The following TRIM37 variants were observed in gnomAD, a reference collection of about 807,000 sequenced individuals.
TRIM37 encodes tripartite motif containing 37.
TRIM37 carries 80 observed loss-of-function variants against 129.8 expected under a neutral mutation model. The ratio of observed to expected loss-of-function variants is 0.62; its 90% CI spans 0.51 to 0.74. The LOEUF (loss-of-function observed/expected upper bound fraction) is 0.74. TRIM37 is among the 30% of genes least tolerant of loss of function. TRIM37 has a pLI of 0.00. For synonymous variants in TRIM37, 389 were observed against 387.1 expected (o/e 1.00, Z -0.06); for missense variants, 1,054 against 1,176.5 (o/e 0.90, Z 1.52).
At chr17:59,024,442 A>T (rs1357580094) in intron 19 of TRIM37, among the ~76,000 whole-genome samples, 1 of 152,220 alleles carries the variant, frequency 6.6e-6, no homozygotes, top group East Asian at 1.9e-4. Flanking sequence ...AAGGATATGA[A>T]TATAACAGAT....
intron 16 of TRIM37, among the ~76,000 whole-genome samples, chr17:59,045,105 T>A (rs1444954938): frequency 6.6e-6 from 1 of 151,774 alleles, no homozygotes; most frequent in Admixed American, 6.6e-5. Context: ...GGCAGGCAGA[T>A]CACAAGGTCA....
downstream of TRIM37, among the ~76,000 whole-genome samples, chr17:58,977,935 G>T (rs994878687): frequency 6.6e-6 from 1 of 152,148 alleles, no homozygotes; most frequent in Non-Finnish European, 1.5e-5. Context: ...TAGAGACAAG[G>T]TTTCACCATG....
chr17:59,034,588 G>A (rs902882240), intron 17 of TRIM37, among the ~76,000 whole-genome samples: 4 of 151,878 alleles, frequency 2.6e-5, no homozygotes, highest in East Asian at 1.9e-4. Flanking sequence ...TAGAACTCCC[G>A]ACCTCAGGTG....
intron 9 of TRIM37, among the ~76,000 whole-genome samples, chr17:59,068,453 G>A (rs1357238149): frequency 6.6e-6 from 1 of 152,154 alleles, no homozygotes; most frequent in Non-Finnish European, 1.5e-5. Context: ...TTTTATATAT[G>A]ACCCTTAGGT....
At chr17:59,105,499 A>G (rs1167642301) in intron 1 of TRIM37, among the ~76,000 whole-genome samples, 1 of 152,276 alleles carries the variant, frequency 6.6e-6, no homozygotes, top group Non-Finnish European at 1.5e-5. Flanking sequence ...AAAGGATACA[A>G]TTAAACGTAT....
intron 24 of TRIM37, chr17:58,984,078 C>T (rs2143885478): frequency 6.5e-6 from 1 of 152,756 alleles, no homozygotes; most frequent in South Asian, 2.1e-4. Flanking sequence ...GGTAGAAACA[C>T]ATATGTATAT....
At chr17:59,029,988 A>G (rs2145562239) in intron 18 of TRIM37, among the ~76,000 whole-genome samples, 1 of 88,172 alleles carries the variant, frequency 1.1e-5, no homozygotes, top group African/African-American at 5.4e-5. Context: ...AAAAACAGAT[A>G]TTCATCAGGA....
Position 59,106,636 on chromosome 17 carries a change from A to C in TRIM37, c.-175T>G. ...CATCTCTTCAGGTCCAGCGCCGCCTACCCCCATTTCGCCATTTTTACCGGC... is the reference window on the plus strand; with the variant it reads ...CATCTCTTCAGGTCCAGCGCCGCCTCCCCCCATTTCGCCATTTTTACCGGC... On this transcript the variant is annotated 5_prime_UTR_variant, in exon 1 of 24. The change abolishes the stop of an existing upstream ORF in the 5' untranslated region. Transcript: ENST00000262294. 2.8e-6 allele frequency: 2 copies of C among 722,632 alleles called. No homozygotes were observed. The highest frequency in any genetic ancestry group is 1.7e-5 in the South Asian group (1 of 60,142). The allele number at this position is 722,632 out of a possible 1,614,324, so 44.8% of individuals were successfully genotyped here. A position where few individuals can be genotyped will look rare whatever the true frequency, so the allele number is the denominator to read the frequency against.
chr17:59,081,348 T>A, intron 5 of TRIM37, 129 bp from the exon 6 acceptor site: 2 of 1,364,652 alleles, frequency 1.5e-6, no homozygotes, highest in Non-Finnish European at 2.0e-6. Flanking sequence ...TTAGCTAATT[T>A]AATTTTGTTG....
In TRIM37 at chr17:59,060,774, T is replaced by C. The variant is rs147255717; in HGVS notation, c.1019+258A>G. Among the ~76,000 whole-genome samples the C allele has an allele frequency of 1.3e-3, 193 of 152,294 alleles. 2 individuals are homozygous for C. The Middle Eastern group carries it at 0.017, about 13-fold the overall frequency. On this transcript the variant is annotated intron_variant, in intron 12 of 23. Coordinates refer to ENST00000262294, the MANE Select transcript of TRIM37 (RefSeq NM_015294.6). ...AATGATATTTTAAAAAAATTGAATATAAAAGCAGACATGAGAATCCAGTAG... is the reference window on the plus strand; with the variant it reads ...AATGATATTTTAAAAAAATTGAATACAAAAGCAGACATGAGAATCCAGTAG...
intron 3 of TRIM37, among the ~76,000 whole-genome samples, chr17:59,089,719 G>A (rs1291530168): frequency 6.6e-6 from 1 of 152,146 alleles, no homozygotes; most frequent in Non-Finnish European, 1.5e-5. Flanking sequence ...CACACAACTA[G>A]TGGCTACCAT....
chr17:59,090,494 T>G (rs1232530883), intron 3 of TRIM37, among the ~76,000 whole-genome samples: 1 of 152,212 alleles, frequency 6.6e-6, no homozygotes, highest in Non-Finnish European at 1.5e-5. Flanking sequence ...CAACAATTTC[T>G]TCTGAAAGTA....
downstream of TRIM37, chr17:58,980,887 T>G: frequency 1.9e-6 from 3 of 1,614,144 alleles, no homozygotes; most frequent in Non-Finnish European, 2.5e-6. The surrounding 1 kb of genome is among the most constrained non-coding windows in gnomAD (Gnocchi z 4.7). Flanking sequence ...CCTCACTTAC[T>G]GGAAGTGGGA....
intron 2 of TRIM37, among the ~76,000 whole-genome samples, chr17:59,102,020 GAAT>G (rs566644519): frequency 5.2e-4 from 79 of 152,068 alleles, no homozygotes; most frequent in Non-Finnish European, 8.4e-4. Context: ...AGAACAAAAA[GAAT>G]GAACTTAGAA....
chr17:58,983,681 T>C (rs1313811175), intron 24 of TRIM37: 1 of 152,680 alleles, frequency 6.5e-6, no homozygotes, highest in Non-Finnish European at 1.5e-5. Context: ...CTGTGAATTA[T>C]GTGTTTTGTA....
chr17:59,015,856 G>A, intron 20 of TRIM37, 57 bp from the exon 21 acceptor site: 1 of 1,548,614 alleles, frequency 6.5e-7, no homozygotes, highest in Non-Finnish European at 8.9e-7. Flanking sequence ...GTGTGCGCCT[G>A]TAATCCCAGC....
At position 59,001,586 on chromosome 17, in the gene TRIM37, C is replaced by T. The variant is rs768935028; in HGVS notation, c.2812+12G>A. ...TTTAGTAATCTGTGTAAAATGACAT[C>T]ATGTGCTGCACCTTCATCCGGGGGC... On this transcript the variant is annotated intron_variant, in intron 23 of 23. Coordinates refer to ENST00000262294, the MANE Select transcript of TRIM37 (RefSeq NM_015294.6). 6.2e-7 allele frequency: 1 copy of T among 1,613,884 alleles called. No homozygotes were observed. The highest frequency in any genetic ancestry group is 1.7e-5 in the Admixed American group (1 of 60,000).
intron 9 of TRIM37, among the ~76,000 whole-genome samples, chr17:59,066,155 C>T (rs1350611266): frequency 1.3e-5 from 2 of 152,196 alleles, no homozygotes; most frequent in African/African-American, 2.4e-5. Flanking sequence ...TACACAAACT[C>T]CAATTAGCAG....
At chr17:59,064,965 C>T (rs961797762) in intron 9 of TRIM37, among the ~76,000 whole-genome samples, 3 of 152,180 alleles carry the variant, frequency 2.0e-5, no homozygotes, top group African/African-American at 4.8e-5. Context: ...GCACGAGAAT[C>T]GCTTGAACCC....
Sources: allele counts gnomAD v4.1 joint callset (sites outside exome capture counted in the v4.1 genomes callset), GRCh38; gene constraint gnomAD v4.1.1; non-coding constraint Gnocchi (gnomAD v3.1); transcripts MANE v1.5; gene names NCBI Gene and HGNC (gene_info 2026-07-23, HGNC 2026-07-21).